The following DGKG variants were observed in gnomAD, a reference collection of about 807,000 sequenced individuals.
The protein encoded by DGKG is DAG kinase gamma.
Under a neutral mutation model 105.3 loss-of-function variants are expected in DGKG, and 78 were observed. The ratio of observed to expected loss-of-function variants is 0.74; its 90% CI spans 0.62 to 0.89. The LOEUF is 0.89. DGKG is among the 40% of genes least tolerant of loss of function. DGKG has a pLI of 0.00. For missense variants in DGKG, 958 were observed against 1,020.1 expected (o/e 0.94, Z 0.83); for synonymous variants, 346 against 367.1 (o/e 0.94, Z 0.66).
chr3:186,150,718 A>T (rs1347875105), intron 24 of DGKG, among the ~76,000 whole-genome samples: 2 of 152,218 alleles, frequency 1.3e-5, no homozygotes, highest in Non-Finnish European at 2.9e-5. Context: ...TGAGTGCCTT[A>T]TGTATTTCCT....
At chr3:186,302,867 G>A (rs1238589392) in intron 3 of DGKG, among the ~76,000 whole-genome samples, 1 of 152,118 alleles carries the variant, frequency 6.6e-6, no homozygotes, top group South Asian at 2.1e-4. Flanking sequence ...ATCCAACCAT[G>A]CATGTCCCCA....
chr3:186,314,526 G>A (rs1054790059), intron 2 of DGKG, among the ~76,000 whole-genome samples: 6 of 152,192 alleles, frequency 3.9e-5, no homozygotes, highest in African/African-American at 4.8e-5. Context: ...AGGTCGAGGC[G>A]GGTGGATCAC....
chr3:186,344,873 T>G (rs1726255228), intron 1 of DGKG, among the ~76,000 whole-genome samples: 1 of 152,256 alleles, frequency 6.6e-6, no homozygotes. Flanking sequence ...TTATAAATGT[T>G]CTACGAGCCC....
intron 19 of DGKG, among the ~76,000 whole-genome samples, chr3:186,243,071 AATG>A (rs1720766562): frequency 6.6e-6 from 1 of 152,086 alleles, no homozygotes; most frequent in Non-Finnish European, 1.5e-5. Flanking sequence ...AGCTTCCCCC[AATG>A]ATAACATTTT....
At chr3:186,150,772 CT>C (rs967275318) in intron 24 of DGKG, among the ~76,000 whole-genome samples, 3 of 152,128 alleles carry the variant, frequency 2.0e-5, no homozygotes, top group Non-Finnish European at 2.9e-5. Flanking sequence ...CTTTTTAAAA[CT>C]TTTTTTTCTT....
rs1726425847 is a variant in DGKG at position 186,347,941 on chromosome 3, T to C, written c.-249+14005A>G. On this transcript the variant is annotated intron_variant, in intron 1 of 24. Coordinates refer to ENST00000265022, the MANE Select transcript of DGKG (RefSeq NM_001346.3). ...CAAATCTTCCTCCTAATTTTGAAGT[T>C]AAGCATGGTATTTCTAGTTTTATAT... Among the ~76,000 whole-genome samples, 3 of 152,224 alleles carry C rather than the reference T, an allele frequency of 2.0e-5. No individual in the cohort carries two copies. In the South Asian group the frequency reaches 6.2e-4, roughly 31 times the overall value.
chr3:186,195,685 G>A lies in DGKG; in HGVS notation c.1918-7306C>T, dbSNP rs900252849. Among the ~76,000 whole-genome samples the A allele has an allele frequency of 1.1e-4, 16 of 152,286 alleles. No homozygotes were observed. In the East Asian group the frequency reaches 2.3e-3, roughly 22 times the overall value. ...TTGGTGATGCTGATGTTGCAGGTCC[G>A]TGGACCACACTTTGAGTAGTAAGGC... On this transcript the variant is annotated intron_variant, in intron 21 of 24. Coordinates refer to ENST00000265022, the MANE Select transcript of DGKG (RefSeq NM_001346.3).
chr3:186,288,139 C>T (rs548034661), intron 6 of DGKG, among the ~76,000 whole-genome samples: 8 of 152,298 alleles, frequency 5.3e-5, no homozygotes, highest in Non-Finnish European at 1.0e-4. Context: ...AGTAGCACCA[C>T]GAAACTGAGC....
At chr3:186,341,916 A>C (rs1324615371) in intron 1 of DGKG, among the ~76,000 whole-genome samples, 1 of 152,212 alleles carries the variant, frequency 6.6e-6, no homozygotes, top group Non-Finnish European at 1.5e-5. Context: ...TATCGCAAGA[A>C]CAAAAAACCA....
At chr3:186,163,517 A>G (rs901060151) in intron 23 of DGKG, among the ~76,000 whole-genome samples, 2 of 152,108 alleles carry the variant, frequency 1.3e-5, no homozygotes, top group Non-Finnish European at 2.9e-5. Context: ...GGGAGGGAAA[A>G]GCTATCTTCT....
chr3:186,216,968 T>G (rs1003983312), intron 20 of DGKG, among the ~76,000 whole-genome samples: 2 of 152,224 alleles, frequency 1.3e-5, no homozygotes, highest in Admixed American at 6.5e-5. Context: ...TCACTTCTTC[T>G]ACAAAATGGG....
chr3:186,309,478 G>A (rs1354805252), intron 2 of DGKG, among the ~76,000 whole-genome samples: 1 of 152,226 alleles, frequency 6.6e-6, no homozygotes, highest in African/African-American at 2.4e-5. Flanking sequence ...GAAACAGGAT[G>A]AAAGAGAAGT....
chr3:186,185,720 TC>T (rs1334296742), intron 22 of DGKG, among the ~76,000 whole-genome samples: 1 of 152,050 alleles, frequency 6.6e-6, no homozygotes, highest in Non-Finnish European at 1.5e-5. Context: ...ACCCACAACT[TC>T]CCCTGCCAAG....
rs1294337537 is a variant in DGKG, at chr3:186,160,789, C to T, written c.2277+814G>A. On this transcript the variant is annotated intron_variant, in intron 24 of 24. Transcript: ENST00000265022. ...CCTGAAAACCAGGACGACGATTGCT[C>T]TTCACCACGAGATTCTAGCTGCATT... 3.0e-6 allele frequency: 3 copies of T among 985,324 alleles called. No individual in the cohort carries two copies. In the African/African-American group the frequency reaches 5.2e-5, roughly 17 times the overall value. 61.0% of individuals were successfully genotyped at this position (985,324 alleles called of 1,614,324 possible). A position where few individuals can be genotyped will look rare whatever the true frequency, so the allele number is the denominator to read the frequency against.
In DGKG at chr3:186,275,683, G is replaced by A. The variant is rs1722547031; in HGVS notation, c.793-19C>T. ...TGGAGCCCTGCAGGGGTAATAGGAG[G>A]TGAGACCCCAAGCTGGCTGCCCTGA... On this transcript the variant is annotated intron_variant, in intron 9 of 24. Transcript: ENST00000265022. 3 of 1,597,200 alleles carry A rather than the reference G, an allele frequency of 1.9e-6. No individual in the cohort carries two copies. In the East Asian group the frequency reaches 6.7e-5, roughly 36 times the overall value.
In DGKG at chr3:186,324,649, A is replaced by G. The variant is rs186235155; in HGVS notation, c.-248-3942T>C. Among the ~76,000 whole-genome samples the G allele has an allele frequency of 3.3e-3, 509 of 152,336 alleles. 4 individuals are homozygous for G. The highest frequency in any genetic ancestry group is 0.011 in the African/African-American group (472 of 41,588). ...CTCAACATTGCTAATCATCAGATAC[A>G]TGTACATCAAAACCATGACTATTAT... On this transcript the variant is annotated intron_variant, in intron 1 of 24. Transcript: ENST00000265022.
intron 1 of DGKG, among the ~76,000 whole-genome samples, chr3:186,340,071 G>A (rs548059936): frequency 2.0e-5 from 3 of 152,260 alleles, no homozygotes; most frequent in South Asian, 4.1e-4. Flanking sequence ...ACAGGTAAAT[G>A]TGCCAAGATT....
At chr3:186,325,303 C>T (rs534150780) in intron 1 of DGKG, among the ~76,000 whole-genome samples, 1 of 152,286 alleles carries the variant, frequency 6.6e-6, no homozygotes, top group Admixed American at 6.5e-5. Flanking sequence ...GTACTATGCT[C>T]ACTACCTGGG....
intron 1 of DGKG, among the ~76,000 whole-genome samples, chr3:186,342,543 A>G (rs1726136345): frequency 6.6e-6 from 1 of 152,160 alleles, no homozygotes; most frequent in African/African-American, 2.4e-5. Flanking sequence ...TCTGTCTCTC[A>G]TTCTTTATTT....
Sources: allele counts gnomAD v4.1 joint callset (sites outside exome capture counted in the v4.1 genomes callset), GRCh38; gene constraint gnomAD v4.1.1; transcripts MANE v1.5; gene names NCBI Gene and HGNC (gene_info 2026-07-23, HGNC 2026-07-21).